The following CSNK1G2 variants were observed in gnomAD, a reference collection of about 807,000 sequenced individuals.
The protein encoded by CSNK1G2 is casein kinase 1 gamma 2.
A neutral mutation model predicts 48.0 loss-of-function variants in CSNK1G2; 11 were observed. That is an observed-to-expected ratio of 0.23 (90% CI 0.14 to 0.38). CSNK1G2 has a LOEUF of 0.38. Among genes scored for constraint, CSNK1G2 ranks in the 10% least tolerant of loss-of-function variants. The probability of loss-of-function intolerance (pLI) is 1.00; values close to 1 mark genes in which losing one functional copy is unlikely to be tolerated. For missense variants in CSNK1G2, 446 were observed against 595.5 expected (o/e 0.75, Z 2.61); for synonymous variants, 337 against 254.1 (o/e 1.33, Z -3.10).
At chr19:1,954,034 A>G in intron 1 of CSNK1G2, 1 of 527,158 alleles carries the variant, frequency 1.9e-6, no homozygotes, top group South Asian at 1.4e-5. Context: ...GGCCCTGCCC[A>G]TCCCTGGCGT....
rs1333061639 is a variant in CSNK1G2 at position 1,957,351 on chromosome 19, G to GA, written c.-265-12154dup. On this transcript the variant is annotated intron_variant, in intron 1 of 11. Coordinates refer to ENST00000255641, the MANE Select transcript of CSNK1G2 (RefSeq NM_001319.7). The surrounding 1 kb of genome is among the most constrained non-coding windows in gnomAD (Gnocchi z 5.4). ...GGGAGGTCACGTGGGCACCACAGAC[G>GA]AAAGTGGAGCCGGGGGAGAGATGTC... is the stretch of plus-strand genomic sequence containing the variant. Among the ~76,000 whole-genome samples, 5 of 152,352 alleles carry GA rather than the reference G, an allele frequency of 3.3e-5. No individual in the cohort carries two copies. The highest frequency in any genetic ancestry group is 1.2e-4 in the African/African-American group (5 of 41,574).
intron 1 of CSNK1G2, among the ~76,000 whole-genome samples, chr19:1,956,821 G>T (rs1315386435): frequency 6.6e-6 from 1 of 152,250 alleles, no homozygotes; most frequent in Non-Finnish European, 1.5e-5. Flanking sequence ...TCCGGGCCAG[G>T]AGGACACCCC....
rs1277597240 is a variant in CSNK1G2 at position 1,959,734 on chromosome 19, TGTGCCACCTTTA to T, written c.-265-9765_-265-9754del. Among the ~76,000 whole-genome samples, 4 of 51,084 alleles carry T rather than the reference TGTGCCACCTTTA, an allele frequency of 7.8e-5. 1 individual carries two copies. The highest frequency in any genetic ancestry group is 1.2e-4 in the Non-Finnish European group (4 of 32,944). 33.5% of individuals were successfully genotyped at this position (51,084 alleles called of 152,430 possible). A position where few individuals can be genotyped will look rare whatever the true frequency, so the allele number is the denominator to read the frequency against. ...GTGCCACCCTGAGTCCTCCAGCACC[TGTGCCACCTTTA>T]GTGCCACCGTGGGTCCCCCAGCACC... On this transcript the variant is annotated intron_variant, in intron 1 of 11. Transcript: ENST00000255641.
At chr19:1,980,042 G>A (rs1253277968) in intron 11 of CSNK1G2, 25 bp downstream of exon 11, 13 of 1,581,238 alleles carry the variant, frequency 8.2e-6, no homozygotes, top group Admixed American at 7.2e-5. Flanking sequence ...CGGTGCCTTC[G>A]GGGAGGTGGG....
At chr19:1,946,770 G>A (rs1347306788) in intron 1 of CSNK1G2, among the ~76,000 whole-genome samples, 1 of 150,950 alleles carries the variant, frequency 6.6e-6, no homozygotes, top group African/African-American at 2.4e-5. Context: ...ATGCCATCAC[G>A]CCTGGCTAAT....
chr19:1,975,038 A>G, intron 2 of CSNK1G2: 1 of 983,926 alleles, frequency 1.0e-6, no homozygotes, highest in East Asian at 1.1e-4. Flanking sequence ...ACACCCACCC[A>G]GCACACACCC....
chr19:1,944,552 G>T (rs1280847079), intron 1 of CSNK1G2, among the ~76,000 whole-genome samples: 1 of 152,144 alleles, frequency 6.6e-6, no homozygotes, highest in African/African-American at 2.4e-5. Flanking sequence ...AGGGGTGGTG[G>T]CCCTGCGGCC....
At chr19:1,944,579 C>T (rs946863296) in intron 1 of CSNK1G2, among the ~76,000 whole-genome samples, 7 of 152,166 alleles carry the variant, frequency 4.6e-5, no homozygotes, top group African/African-American at 7.2e-5. Flanking sequence ...CGGGCCTCAC[C>T]GCCTTCCCCA....
chr19:1,973,692 TGTG>T, intron 2 of CSNK1G2, among the ~76,000 whole-genome samples: 1 of 152,208 alleles, frequency 6.6e-6, no homozygotes, highest in Non-Finnish European at 1.5e-5. Flanking sequence ...CAGAAGTCCA[TGTG>T]GTGAATCTTT....
chr19:1,970,932 G>A (rs952169632), intron 2 of CSNK1G2, among the ~76,000 whole-genome samples: 3 of 152,208 alleles, frequency 2.0e-5, no homozygotes, highest in African/African-American at 7.2e-5. Flanking sequence ...CGATGAGGTT[G>A]TCAGATGAGG....
At chr19:1,975,031 C>A in intron 2 of CSNK1G2, 4 of 980,114 alleles carry the variant, frequency 4.1e-6, no homozygotes, top group Non-Finnish European at 2.4e-6. Flanking sequence ...TGCTGCCACA[C>A]CCACCCAGCA....
Position 1,979,182 on chromosome 19 carries a change from C to T in CSNK1G2, c.702C>T (p.Asp234=), listed in dbSNP as rs2145598919. ...HLGKEQSRRD[D]LEALGHMFMY... ...CCGCAGAGCAGAGCCGCCGCGACGA[C>T]CTGGAGGCGCTGGGCCACATGTTCA... Residue 234 remains aspartate (D), a synonymous_variant, in exon 7 of 12, where the codon GAC becomes GAT. Coordinates refer to ENST00000255641, the MANE Select transcript of CSNK1G2 (RefSeq NM_001319.7). 6.5e-7 allele frequency: 1 copy of T among 1,534,266 alleles called. No individual in the cohort carries two copies. Among genetic ancestry groups the T allele is most frequent in the Non-Finnish European group, 8.8e-7 (1 of 1,138,020 alleles).
chr19:1,969,787 G>A lies in CSNK1G2; in HGVS notation c.15G>A (p.Lys5=), dbSNP rs752852379. MDFD[K]KGGKGETEEG... ...ATCACAAACTTATGGATTTTGACAA[G>A]AAAGGAGGGAAAGGGGAGACGGAGG... The change falls in exon 2 of 12, where the codon AAG becomes AAA. Residue 5 remains lysine (K), a synonymous_variant. Coordinates refer to ENST00000255641, the MANE Select transcript of CSNK1G2 (RefSeq NM_001319.7). 7.7e-7 allele frequency: 1 copy of A among 1,307,098 alleles called. No individual in the cohort carries two copies. The highest frequency in any genetic ancestry group is 3.3e-5 in the South Asian group (1 of 30,706). 81.0% of individuals were successfully genotyped at this position (1,307,098 alleles called of 1,614,324 possible).
At chr19:1,946,216 G>C (rs1171744701) in intron 1 of CSNK1G2, among the ~76,000 whole-genome samples, 1 of 152,144 alleles carries the variant, frequency 6.6e-6, no homozygotes, top group East Asian at 1.9e-4. Context: ...AAGAAAGACT[G>C]CAAGAGGCTC....
intron 1 of CSNK1G2, among the ~76,000 whole-genome samples, chr19:1,962,726 C>T (rs932112333): frequency 9.2e-5 from 14 of 151,972 alleles, no homozygotes; most frequent in Admixed American, 7.2e-4. Context: ...CCCCCGGGAG[C>T]GGCAGGTGGA....
intron 1 of CSNK1G2, among the ~76,000 whole-genome samples, chr19:1,956,108 T>C (rs991494303): frequency 2.0e-5 from 3 of 151,460 alleles, no homozygotes; most frequent in African/African-American, 4.9e-5. Flanking sequence ...GGGGCAGGGG[T>C]GCCGAGAGGC....
chr19:1,947,834 G>C (rs376799778), intron 1 of CSNK1G2, among the ~76,000 whole-genome samples: 6 of 152,206 alleles, frequency 3.9e-5, no homozygotes, highest in African/African-American at 1.4e-4. Flanking sequence ...TGTGGGGCTC[G>C]CTGCCTGAGC....
intron 1 of CSNK1G2, among the ~76,000 whole-genome samples, chr19:1,958,295 C>T (rs952564230): frequency 3.3e-5 from 5 of 151,928 alleles, no homozygotes; most frequent in Non-Finnish European, 7.4e-5. Flanking sequence ...TTTTGGGCAG[C>T]GAGTGTGTAT....
intron 1 of CSNK1G2, among the ~76,000 whole-genome samples, chr19:1,960,792 G>A (rs113434060): frequency 1.3e-5 from 2 of 151,972 alleles, no homozygotes; most frequent in South Asian, 4.2e-4. Flanking sequence ...GGGAGGCCGA[G>A]GTAGGACAAT....
Sources: allele counts gnomAD v4.1 joint callset (sites outside exome capture counted in the v4.1 genomes callset), GRCh38; gene constraint gnomAD v4.1.1; non-coding constraint Gnocchi (gnomAD v3.1); transcripts MANE v1.5; gene names NCBI Gene and HGNC (gene_info 2026-07-23, HGNC 2026-07-21).